The following WDR72 variants were observed in gnomAD, a reference collection of about 807,000 sequenced individuals.
WDR72 encodes the protein WD repeat domain 72, also known as WD repeat-containing protein 72.
A neutral mutation model predicts 124.2 loss-of-function variants in WDR72; 120 were observed. The ratio of observed to expected loss-of-function variants is 0.97; its 90% confidence interval spans 0.83 to 1.12. The LOEUF (loss-of-function observed/expected upper bound fraction) is 1.12, where lower values mean the gene tolerates loss of function less well. Among genes scored for constraint, WDR72 ranks in the 50% most tolerant of loss-of-function variants. The probability of loss-of-function intolerance (pLI) is 0.00; values close to 1 mark genes in which losing one functional copy is unlikely to be tolerated. For missense variants in WDR72, 1,387 were observed against 1,278.8 expected, an observed-to-expected ratio of 1.08 and a Z score of -1.29; for synonymous variants, 452 against 441.7, an observed-to-expected ratio of 1.02 and a Z score of -0.29.
chr15:53,584,626 G>A (rs1289999503), intron 18 of WDR72, among the ~76,000 whole-genome samples: 1 of 151,990 alleles, frequency 6.6e-6, no homozygotes, highest in Non-Finnish European at 1.5e-5. Flanking sequence ...TTTCTGCTTT[G>A]CACTGAAAGT....
At chr15:53,688,466 G>C (rs1467051821) in intron 13 of WDR72, among the ~76,000 whole-genome samples, 1 of 151,592 alleles carries the variant, frequency 6.6e-6, no homozygotes, top group Non-Finnish European at 1.5e-5. Context: ...ATTCACAATT[G>C]CTTCAAAGAG....
At chr15:53,686,960 T>C (rs1381014568) in intron 13 of WDR72, among the ~76,000 whole-genome samples, 2 of 151,524 alleles carry the variant, frequency 1.3e-5, no homozygotes, top group African/African-American at 4.9e-5. Context: ...CCTGAATGAC[T>C]ACTGGGTACA....
chr15:53,760,324 AC>A (rs1220410178), upstream of WDR72, among the ~76,000 whole-genome samples: 4 of 50,272 alleles, frequency 8.0e-5, no homozygotes, highest in African/African-American at 2.0e-4. Flanking sequence ...CGACTCCCCC[AC>A]CCCCCACTAC....
At chr15:53,668,693 C>T (rs998838882) in intron 13 of WDR72, among the ~76,000 whole-genome samples, 3 of 151,852 alleles carry the variant, frequency 2.0e-5, no homozygotes, top group Non-Finnish European at 4.4e-5. Context: ...CAGGTGAGTC[C>T]AGGAGTTCAA....
chr15:53,538,620 C>T (rs892398534), intron 18 of WDR72, among the ~76,000 whole-genome samples: 2 of 152,002 alleles, frequency 1.3e-5, no homozygotes, highest in East Asian at 1.9e-4. Flanking sequence ...TTGGGTGATG[C>T]GGAATGCATT....
intron 14 of WDR72, among the ~76,000 whole-genome samples, chr15:53,656,801 C>A (rs2015435053): frequency 6.6e-6 from 1 of 151,820 alleles, no homozygotes; most frequent in Admixed American, 6.6e-5. Flanking sequence ...CATTTATAAT[C>A]ATTTTAATCA....
At chr15:53,617,488 A>C (rs1195011467) in intron 14 of WDR72, among the ~76,000 whole-genome samples, 3 of 151,676 alleles carry the variant, frequency 2.0e-5, no homozygotes, top group Admixed American at 1.3e-4. Context: ...GGAAAGTTTA[A>C]AAAGAAAACC....
At chr15:53,552,530 G>A (rs981295644) in intron 18 of WDR72, among the ~76,000 whole-genome samples, 1 of 152,096 alleles carries the variant, frequency 6.6e-6, no homozygotes, top group African/African-American at 2.4e-5. Flanking sequence ...CTTGTTAAAT[G>A]TTTATAGTTA....
At chr15:53,568,805 T>A (rs1894393561) in intron 18 of WDR72, among the ~76,000 whole-genome samples, 1 of 152,012 alleles carries the variant, frequency 6.6e-6, no homozygotes, top group African/African-American at 2.4e-5. Flanking sequence ...TCTCATGAGT[T>A]AAAAACTCAG....
chr15:53,649,065 C>T (rs1219378630), intron 14 of WDR72, among the ~76,000 whole-genome samples: 1 of 152,128 alleles, frequency 6.6e-6, no homozygotes, highest in East Asian at 1.9e-4. Context: ...CCACACTCCT[C>T]TTCTTGTGGC....
intron 14 of WDR72, among the ~76,000 whole-genome samples, chr15:53,625,677 T>C (rs1177344093): frequency 2.6e-5 from 4 of 152,086 alleles, no homozygotes; most frequent in Non-Finnish European, 5.9e-5. Flanking sequence ...GCCAAAATTA[T>C]TCCTCTACTA....
At chr15:53,519,079 T>C (rs1891636824) in intron 19 of WDR72, among the ~76,000 whole-genome samples, 1 of 152,038 alleles carries the variant, frequency 6.6e-6, no homozygotes, top group East Asian at 1.9e-4. Flanking sequence ...TCTAGTGCAC[T>C]AAAAAGAAAA....
At chr15:53,732,931 T>C (rs1387862829) in intron 2 of WDR72, 66 bp downstream of exon 2, 1 of 1,588,242 alleles carries the variant, frequency 6.3e-7, no homozygotes, top group Admixed American at 1.7e-5. Flanking sequence ...TCATTGCAGA[T>C]AGAAAATGCA....
At chr15:53,722,231 C>T (rs1021394665) in intron 3 of WDR72, among the ~76,000 whole-genome samples, 2 of 151,748 alleles carry the variant, frequency 1.3e-5, no homozygotes, top group Admixed American at 6.6e-5. Context: ...GTCAGGGTTT[C>T]GTCACGTCGG....
At chr15:53,551,636 C>G (rs1893733367) in intron 18 of WDR72, among the ~76,000 whole-genome samples, 1 of 152,068 alleles carries the variant, frequency 6.6e-6, no homozygotes, top group South Asian at 2.1e-4. Context: ...AAATTAAACA[C>G]AAAAGTCAGT....
At chr15:53,730,191 A>G (rs1195046938) in intron 2 of WDR72, among the ~76,000 whole-genome samples, 3 of 152,182 alleles carry the variant, frequency 2.0e-5, no homozygotes, top group Admixed American at 2.0e-4. Flanking sequence ...CAAACTTAAG[A>G]AGAAAGGAAA....
At position 53,705,550 on chromosome 15, in the gene WDR72, C is replaced by T. The variant is rs897376540; in HGVS notation, c.1103-317G>A. 5.9e-5 allele frequency among the ~76,000 whole-genome samples: 9 copies of T among 152,148 alleles called. No individual in the cohort carries two copies. The East Asian group carries it at 1.2e-3, about 20-fold the overall frequency. ...TGATCTCGGCTCACCGCAACCTCCA[C>T]CTCCTGGGTTTAAGCAATTCACCTG... On this transcript the variant is annotated intron_variant, in intron 10 of 19. Transcript: ENST00000360509.
chr15:53,594,417 T>C (rs2012663882), intron 18 of WDR72, among the ~76,000 whole-genome samples: 1 of 151,962 alleles, frequency 6.6e-6, no homozygotes, highest in Admixed American at 6.6e-5. Context: ...TTTTGCAAAA[T>C]GACATATGTT....
chr15:53,716,835 C>A (rs191357341), intron 3 of WDR72, 150 bp from the exon 4 acceptor site: 4 of 681,740 alleles, frequency 5.9e-6, no homozygotes, highest in Non-Finnish European at 1.1e-5. Flanking sequence ...TGGTCATTAG[C>A]AGGGATGACA....
Sources: allele counts gnomAD v4.1 joint callset (sites outside exome capture counted in the v4.1 genomes callset), GRCh38; gene constraint gnomAD v4.1.1; transcripts MANE v1.5; gene names NCBI Gene and HGNC (gene_info 2026-07-23, HGNC 2026-07-21).